MS4A4E: variants seen among roughly 807,000 people sequenced by gnomAD.
MS4A4E encodes membrane spanning 4-domains A4E.
A neutral mutation model predicts 13.3 loss-of-function variants in MS4A4E; 23 were observed. The observed-to-expected ratio is 1.73, with a 90% CI of 1.25 to 2.45. The LOEUF (loss-of-function observed/expected upper bound fraction) is 2.45, where lower values mean the gene tolerates loss of function less well. MS4A4E is among the 30% of genes most tolerant of loss of function. The pLI is 0.00. For missense variants in MS4A4E, 144 were observed against 131.2 expected (o/e 1.10, Z -0.48); for synonymous variants, 36 against 45.6 (o/e 0.79, Z 0.85).
At chr11:60,205,026 G>A (rs923407629) in intron 7 of MS4A4E, among the ~76,000 whole-genome samples, 68 bp from the exon 8 acceptor site, 1 of 152,216 alleles carries the variant, frequency 6.6e-6, no homozygotes, top group East Asian at 1.9e-4. Context: ...AGCGTGCATG[G>A]AGAAAGGTGG....
chr11:60,228,162 C>T (rs118099318), intron 3 of MS4A4E, among the ~76,000 whole-genome samples: 4 of 152,242 alleles, frequency 2.6e-5, no homozygotes, highest in East Asian at 3.9e-4. Context: ...AGATAAACCA[C>T]AGACTGACAG....
At chr11:60,213,874 C>A (rs1349122648) in intron 4 of MS4A4E, among the ~76,000 whole-genome samples, 1 of 151,722 alleles carries the variant, frequency 6.6e-6, no homozygotes, top group East Asian at 1.9e-4. Flanking sequence ...ATTGAAAATT[C>A]AAAATCCTTT....
At position 60,216,682 on chromosome 11, in the gene MS4A4E, T is replaced by G. The variant is rs1405541636; in HGVS notation, c.179-2068A>C. 3.9e-5 allele frequency among the ~76,000 whole-genome samples: 6 copies of G among 151,958 alleles called. No individual in the cohort carries two copies. The East Asian group carries it at 1.2e-3, about 29-fold the overall frequency. On this transcript the variant is annotated intron_variant, in intron 3 of 8. Coordinates refer to ENST00000651255, the MANE Select transcript of MS4A4E (RefSeq NM_001393391.1). ...GAGATGGAACAGTGTTTGCTGTCTG[T>G]TATGGTTAATATTGAGTGTCAACTT...
chr11:60,202,575 G>A (rs1165227549), intron 8 of MS4A4E, among the ~76,000 whole-genome samples: 6 of 152,050 alleles, frequency 3.9e-5, no homozygotes, highest in South Asian at 2.1e-4. Context: ...TACCCAAACC[G>A]AAAACAGTCC....
At chr11:60,228,141 G>A (rs957155495) in intron 3 of MS4A4E, among the ~76,000 whole-genome samples, 1 of 152,060 alleles carries the variant, frequency 6.6e-6, no homozygotes, top group African/African-American at 2.4e-5. Flanking sequence ...AGAAGACACT[G>A]TCAGAAGAAA....
chr11:60,216,943 T>G (rs2134936967), intron 3 of MS4A4E, among the ~76,000 whole-genome samples: 1 of 152,298 alleles, frequency 6.6e-6, no homozygotes, highest in South Asian at 2.1e-4. Flanking sequence ...GTTCTATCCC[T>G]CTAGAGAACC....
rs77593885 is a variant in MS4A4E, at chr11:60,223,256, T to C, written c.178+5338A>G. ...CATTTGTAGTAAGAAAATATCTTCA[T>C]TTTATTTTCTTTCTTTTTTCTTTAC... On this transcript the variant is annotated intron_variant, in intron 3 of 8. Transcript: ENST00000651255. Among the ~76,000 whole-genome samples the C allele has an allele frequency of 4.9e-4, 75 of 152,272 alleles. No homozygotes were observed. The East Asian group carries it at 0.014, about 28-fold the overall frequency.
chr11:60,215,870 TTAGA>T (rs1360637407), intron 3 of MS4A4E, among the ~76,000 whole-genome samples: 3 of 152,130 alleles, frequency 2.0e-5, no homozygotes, highest in Non-Finnish European at 4.4e-5. Flanking sequence ...TATACAGAAA[TTAGA>T]TAAACATATT....
At chr11:60,204,206 C>T (rs1051230087) in intron 8 of MS4A4E, among the ~76,000 whole-genome samples, 4 of 152,154 alleles carry the variant, frequency 2.6e-5, no homozygotes, top group Admixed American at 2.6e-4. Flanking sequence ...AGTATGAGTT[C>T]TGGCTTTTAT....
chr11:60,231,269 A>G (rs1180767521), intron 1 of MS4A4E, among the ~76,000 whole-genome samples: 1 of 151,906 alleles, frequency 6.6e-6, no homozygotes, highest in Admixed American at 6.6e-5. Context: ...GTACAAAATT[A>G]CAAATTATAA....
intron 1 of MS4A4E, among the ~76,000 whole-genome samples, chr11:60,240,575 T>C (rs1362059217): frequency 6.6e-6 from 1 of 152,254 alleles, no homozygotes; most frequent in Non-Finnish European, 1.5e-5. Flanking sequence ...TGCTGCTACT[T>C]CAACCCATAT....
rs573287733 is a variant in MS4A4E, at chr11:60,220,893, T to G, written c.179-6279A>C. 2.0e-5 allele frequency among the ~76,000 whole-genome samples: 3 copies of G among 152,266 alleles called. No individual in the cohort carries two copies. In the South Asian group the frequency reaches 6.2e-4, roughly 32 times the overall value. The stretch of plus-strand genomic sequence containing the variant: ...CATTAATCAAGAGACCTGAAAGGCT[T>G]CCAGTTTTGAGTGGGGTCCAGGACA... On this transcript the variant is annotated intron_variant, in intron 3 of 8. Coordinates refer to ENST00000651255, the MANE Select transcript of MS4A4E (RefSeq NM_001393391.1).
At chr11:60,233,982 G>A (rs1334919345) in intron 1 of MS4A4E, among the ~76,000 whole-genome samples, 1 of 152,204 alleles carries the variant, frequency 6.6e-6, no homozygotes, top group Non-Finnish European at 1.5e-5. Flanking sequence ...TGGAGTCAAA[G>A]GAAATTATTC....
intron 2 of MS4A4E, among the ~76,000 whole-genome samples, chr11:60,228,972 T>C (rs1038831061): frequency 6.6e-6 from 1 of 152,236 alleles, no homozygotes; most frequent in African/African-American, 2.4e-5. Context: ...CATATCACTA[T>C]GCCTTTGTTA....
intron 4 of MS4A4E, chr11:60,213,388 TAC>T: frequency 7.8e-7 from 1 of 1,283,076 alleles, no homozygotes; most frequent in Non-Finnish European, 1.1e-6. Flanking sequence ...AATGATTTTT[TAC>T]ACATTAGCTG....
At chr11:60,241,015 T>C (rs1323589634) in intron 1 of MS4A4E, among the ~76,000 whole-genome samples, 1 of 152,026 alleles carries the variant, frequency 6.6e-6, no homozygotes, top group African/African-American at 2.4e-5. Flanking sequence ...ATTTATTTAT[T>C]TATTTATTTA....
rs1195368862 is a variant in MS4A4E at position 60,201,592 on chromosome 11, T to C, written c.947A>G (p.His316Arg). The C allele has an allele frequency of 1.3e-5, 4 of 313,522 alleles. No homozygotes were observed. Among genetic ancestry groups the C allele is most frequent in the Non-Finnish European group, 2.6e-5 (4 of 156,858 alleles). The allele number at this position is 313,522 out of a possible 1,614,324, so 19.4% of individuals were successfully genotyped here. A position where few individuals can be genotyped will look rare whatever the true frequency, so the allele number is the denominator to read the frequency against. ...RKWGAPLPGHHPIWEVRSVSA... is the reference protein window; with the variant it reads ...RKWGAPLPGHRPIWEVRSVSA... ...GACACTCCTCACCTCCCAGATGGGA[T>C]GGTGGCCGGGAAGAGGCGCTCCCCA... is the stretch of plus-strand genomic sequence containing the variant. Residue 316 changes from histidine (H) to arginine (R), a missense_variant, in exon 9 of 9, where the codon CAT becomes CGT. By Grantham distance (29) the His-to-Arg change is conservative (BLOSUM62 0). This residue lies in a region of MS4A4E where 21 missense variants were observed against 25.1 expected (regional missense o/e 0.84). Transcript: ENST00000651255.
chr11:60,229,976 A>G lies in MS4A4E; in HGVS notation c.80T>C (p.Ile27Thr), dbSNP rs1395389276. The change falls in exon 2 of 9, where the codon ATA becomes ACA. Residue 27 changes from isoleucine (I) to threonine (T), a missense_variant. Around this residue, in one of 3 missense-constraint regions of MS4A4E, gnomAD observed 119 missense variants for 88.7 expected, o/e 1.34. Coordinates refer to ENST00000651255, the MANE Select transcript of MS4A4E (RefSeq NM_001393391.1). Reference protein sequence around the residue: ...DVPQLGNIDVIHSYLCKGLQE... With the variant: ...DVPQLGNIDVTHSYLCKGLQE... ...CAATCCTTTACACAGATATGAATGT[A>G]TGACATCTATGTTTCCCAGCTGGGG... 2.4e-5 allele frequency: 38 copies of G among 1,613,756 alleles called. No homozygotes were observed. The highest frequency in any genetic ancestry group is 3.1e-5 in the Non-Finnish European group (37 of 1,179,840).
chr11:60,213,407 C>T, intron 4 of MS4A4E: 1 of 1,060,396 alleles, frequency 9.4e-7, no homozygotes, highest in Middle Eastern at 2.0e-4. Context: ...GCTGGACAGT[C>T]ATGTCTGTGT....
Sources: allele counts gnomAD v4.1 joint callset (sites outside exome capture counted in the v4.1 genomes callset), GRCh38; gene constraint gnomAD v4.1.1; regional missense constraint gnomAD v4.1.1; transcripts MANE v1.5; gene names NCBI Gene and HGNC (gene_info 2026-07-23, HGNC 2026-07-21).